TAF4B: variants seen among roughly 807,000 people sequenced by gnomAD.
TAF4B encodes the protein TATA-box binding protein associated factor 4b.
A neutral mutation model predicts 86.4 loss-of-function variants in TAF4B; 38 were observed. That is an observed-to-expected ratio of 0.44 (90% CI 0.34 to 0.58). TAF4B has a LOEUF of 0.58. TAF4B is among the 20% of genes least tolerant of loss of function. The pLI is 0.02. For missense variants in TAF4B, 988 were observed against 1,027.6 expected (o/e 0.96, Z 0.53); for synonymous variants, 388 against 391.2 (o/e 0.99, Z 0.10).
At chr18:26,305,491 T>A (rs1000954131) in intron 9 of TAF4B, among the ~76,000 whole-genome samples, 2 of 152,182 alleles carry the variant, frequency 1.3e-5, no homozygotes, top group Non-Finnish European at 2.9e-5. Context: ...CACCACAACC[T>A]CCACCTGCTG....
chr18:26,353,238 A>G (rs2144727872), intron 13 of TAF4B, among the ~76,000 whole-genome samples: 1 of 152,358 alleles, frequency 6.6e-6, no homozygotes, highest in Non-Finnish European at 1.5e-5. Flanking sequence ...ATCTTGACAT[A>G]TGAAAGAATA....
chr18:26,348,236 G>A (rs770541095), intron 13 of TAF4B: 9 of 152,014 alleles, frequency 5.9e-5, no homozygotes, highest in Non-Finnish European at 1.2e-4. Context: ...TGACCACCAT[G>A]GAATAAAAGT....
chr18:26,249,847 T>A (rs535856726), intron 1 of TAF4B, among the ~76,000 whole-genome samples: 1 of 152,248 alleles, frequency 6.6e-6, no homozygotes, highest in African/African-American at 2.4e-5. Flanking sequence ...CCCAGCCTCC[T>A]AAGTAGCTGG....
Position 26,390,390 on chromosome 18 carries a change from A to G in TAF4B, c.*378A>G, listed in dbSNP as rs1488578630. 2 of 166,084 alleles carry G rather than the reference A, an allele frequency of 1.2e-5. No individual in the cohort carries two copies. Among genetic ancestry groups the G allele is most frequent in the African/African-American group, 2.4e-5 (1 of 41,814 alleles). 10.3% of individuals were successfully genotyped at this position (166,084 alleles called of 1,614,324 possible). On this transcript the variant is annotated 3_prime_UTR_variant, in exon 15 of 15. Transcript: ENST00000269142. The stretch of plus-strand genomic sequence containing the variant: ...TGCAGGAGAAAGGAAGAGGCATAAG[A>G]AAATACAAGAATGACTATTTCATTC...
intron 1 of TAF4B, among the ~76,000 whole-genome samples, chr18:26,231,850 G>A (rs1258644161): frequency 3.3e-5 from 5 of 152,132 alleles, no homozygotes; most frequent in Non-Finnish European, 7.4e-5. Flanking sequence ...TGTGGAAGGG[G>A]ACCTGAGCGG....
intron 10 of TAF4B, among the ~76,000 whole-genome samples, chr18:26,316,850 T>TTA (rs2056916905): frequency 2.0e-5 from 3 of 152,232 alleles, no homozygotes; most frequent in Admixed American, 2.0e-4. Flanking sequence ...TTTGCATATG[T>TTA]ATTTTGTATT....
At chr18:26,263,498 C>A (rs918027495) in intron 1 of TAF4B, among the ~76,000 whole-genome samples, 4 of 152,082 alleles carry the variant, frequency 2.6e-5, no homozygotes, top group African/African-American at 9.7e-5. Flanking sequence ...TTGTCCTTGG[C>A]CTCTGTGTTT....
intron 13 of TAF4B, among the ~76,000 whole-genome samples, chr18:26,344,245 A>G (rs2057158496): frequency 6.6e-6 from 1 of 152,178 alleles, no homozygotes; most frequent in Admixed American, 6.5e-5. Context: ...TCTGAAAACT[A>G]TATAGATGTA....
chr18:26,313,184 A>G (rs2056869704), intron 9 of TAF4B, among the ~76,000 whole-genome samples: 1 of 152,122 alleles, frequency 6.6e-6, no homozygotes, highest in South Asian at 2.1e-4. Context: ...TGAGTTATGT[A>G]TTTTTTGGAG....
At chr18:26,328,625 TA>T (rs1281210272) in intron 12 of TAF4B, among the ~76,000 whole-genome samples, 5 of 152,282 alleles carry the variant, frequency 3.3e-5, no homozygotes, top group East Asian at 1.9e-4. Flanking sequence ...ATTTTTGTTT[TA>T]TTTTTTTGTT....
rs1354005171 is a variant in TAF4B, at chr18:26,227,289, C to T, written c.343+13C>T. 1 of 1,605,152 alleles carries T rather than the reference C, an allele frequency of 6.2e-7. No individual in the cohort carries two copies. On this transcript the variant is annotated intron_variant, in intron 1 of 14. Coordinates refer to ENST00000269142, the MANE Select transcript of TAF4B (RefSeq NM_005640.3). ...CAGCTTCCTCCAGGTATGTTGATAA[C>T]CCTTTCCAGCCTTGTCTGTCGGTCC...
At chr18:26,241,705 T>C (rs998845331) in intron 1 of TAF4B, among the ~76,000 whole-genome samples, 7 of 152,240 alleles carry the variant, frequency 4.6e-5, no homozygotes, top group African/African-American at 1.7e-4. Flanking sequence ...TCTTTCCTGC[T>C]TTCTCTTATG....
intron 9 of TAF4B, among the ~76,000 whole-genome samples, chr18:26,301,718 A>G (rs1434534787): frequency 6.6e-6 from 1 of 152,166 alleles, no homozygotes; most frequent in African/African-American, 2.4e-5. Flanking sequence ...TAAATGTCAG[A>G]TCTGTATGAA....
At chr18:26,328,647 T>A (rs989833446) in intron 12 of TAF4B, among the ~76,000 whole-genome samples, 1 of 152,120 alleles carries the variant, frequency 6.6e-6, no homozygotes. Context: ...TTTTGAGCAA[T>A]CTCTCTCTGT....
Position 26,281,169 on chromosome 18 carries a change from G to A in TAF4B, c.883-802G>A, listed in dbSNP as rs540258192. Among the ~76,000 whole-genome samples the A allele has an allele frequency of 1.7e-4, 26 of 152,182 alleles. No homozygotes were observed. In the South Asian group the frequency reaches 5.2e-3, roughly 30 times the overall value. On this transcript the variant is annotated intron_variant, in intron 5 of 14. Transcript: ENST00000269142. ...GTGGGAGTGAGGGGTTGTGTGGGCT[G>A]AAAAACTACCTCCTAGATAACTGTG...
intron 5 of TAF4B, among the ~76,000 whole-genome samples, chr18:26,280,684 C>T (rs2056437465): frequency 1.3e-5 from 2 of 152,164 alleles, no homozygotes; most frequent in Admixed American, 1.3e-4. Context: ...GAAGCGAACA[C>T]TTATACGCTG....
chr18:26,321,536 G>A (rs1011856830), intron 11 of TAF4B, among the ~76,000 whole-genome samples: 8 of 115,308 alleles, frequency 6.9e-5, no homozygotes, highest in African/African-American at 2.4e-4. Flanking sequence ...CACTCTCCTC[G>A]CATTCCTGTT....
At chr18:26,309,531 G>A (rs1314042258) in intron 9 of TAF4B, among the ~76,000 whole-genome samples, 1 of 151,994 alleles carries the variant, frequency 6.6e-6, no homozygotes, top group Admixed American at 6.6e-5. Context: ...CAAAATGCAA[G>A]AGGACCCGTG....
At chr18:26,252,334 C>T (rs1343068344) in intron 1 of TAF4B, among the ~76,000 whole-genome samples, 2 of 151,954 alleles carry the variant, frequency 1.3e-5, no homozygotes, top group South Asian at 2.1e-4. Context: ...TATAAAAATA[C>T]AGTTGATTAT....
Sources: allele counts gnomAD v4.1 joint callset (sites outside exome capture counted in the v4.1 genomes callset), GRCh38; gene constraint gnomAD v4.1.1; transcripts MANE v1.5; gene names NCBI Gene and HGNC (gene_info 2026-07-23, HGNC 2026-07-21).